GRIP1: variants seen among roughly 807,000 people sequenced by gnomAD.
GRIP1 encodes glutamate receptor interacting protein 1.
A neutral mutation model predicts 129.9 loss-of-function variants in GRIP1; 45 were observed. The ratio of observed to expected loss-of-function variants is 0.35; its 90% CI spans 0.27 to 0.44. The LOEUF is 0.44. GRIP1 is among the 20% of genes least tolerant of loss of function. GRIP1 has a pLI of 1.00. For missense variants in GRIP1, 1,196 were observed against 1,396.8 expected, an observed-to-expected ratio of 0.86 and a Z score of 2.29; for synonymous variants, 530 against 520.8, an observed-to-expected ratio of 1.02 and a Z score of -0.24.
intron 7 of GRIP1, among the ~76,000 whole-genome samples, chr12:66,507,762 T>C (rs2060575064): frequency 6.7e-6 from 1 of 148,294 alleles, no homozygotes; most frequent in Non-Finnish European, 1.5e-5. Flanking sequence ...TTCCTTTCTT[T>C]CTTTCTTTCT....
intron 19 of GRIP1, among the ~76,000 whole-genome samples, chr12:66,391,751 TGAGGCA>T (rs1230787515): frequency 1.3e-5 from 2 of 152,070 alleles, no homozygotes; most frequent in African/African-American, 2.4e-5. Context: ...CTGAGGAGAC[TGAGGCA>T]GCAAGATCCC....
At chr12:66,736,346 A>ATTTTTTTTTTTTTTTTTTTTTTTTTTTTT (rs547706592) in intron 1 of GRIP1, among the ~76,000 whole-genome samples, 1 of 67,004 alleles carries the variant, frequency 1.5e-5, no homozygotes, top group Non-Finnish European at 2.7e-5. Context: ...TGCCTGGCTA[A>ATTTTTTTTTTTTTTTTTTTTTTTTTTTTT]TTTTTTTTTT....
intron 1 of GRIP1, among the ~76,000 whole-genome samples, chr12:66,963,721 C>T (rs1226528755): frequency 6.6e-6 from 1 of 152,102 alleles, no homozygotes; most frequent in Non-Finnish European, 1.5e-5. Flanking sequence ...ACTTGAACAA[C>T]ACCATCCATT....
At chr12:66,573,830 G>A (rs2063046932) in intron 2 of GRIP1, among the ~76,000 whole-genome samples, 1 of 152,160 alleles carries the variant, frequency 6.6e-6, no homozygotes, top group Non-Finnish European at 1.5e-5. Context: ...AGCAACAGGT[G>A]CTGCCTCCCA....
chr12:66,463,633 G>A lies in GRIP1; in HGVS notation c.873-540C>T, dbSNP rs377763334. ...AGTTCTTTATTATTATGTTATTCTG[G>A]AGTTGAACATGTATTAGTATAAAAG... On this transcript the variant is annotated intron_variant, in intron 8 of 24. Coordinates refer to ENST00000359742, the MANE Select transcript of GRIP1 (RefSeq NM_001366722.1). Among the ~76,000 whole-genome samples the A allele has an allele frequency of 2.0e-5, 3 of 152,242 alleles. No individual in the cohort carries two copies. In the East Asian group the frequency reaches 5.8e-4, roughly 29 times the overall value.
chr12:67,031,647 C>G (rs1456954884), intron 1 of GRIP1, among the ~76,000 whole-genome samples: 1 of 152,186 alleles, frequency 6.6e-6, no homozygotes, highest in Non-Finnish European at 1.5e-5. Context: ...ACCGCTCTCT[C>G]TATCCTTATT....
At position 66,543,717 on chromosome 12, in the gene GRIP1, C is replaced by T. The variant is rs553161052; in HGVS notation, c.137-1767G>A. On this transcript the variant is annotated intron_variant, in intron 2 of 24. Coordinates refer to ENST00000359742, the MANE Select transcript of GRIP1 (RefSeq NM_001366722.1). ...TAACCAAAATGACATAGATGATGAC[C>T]GTTCATATTAAAGAGATATAATGTG... is the stretch of plus-strand genomic sequence containing the variant. Among the ~76,000 whole-genome samples the T allele has an allele frequency of 5.9e-5, 9 of 152,014 alleles. No individual in the cohort carries two copies. In the South Asian group the frequency reaches 8.3e-4, roughly 14 times the overall value.
At chr12:66,832,849 G>T (rs1220563555) in intron 1 of GRIP1, among the ~76,000 whole-genome samples, 3 of 152,148 alleles carry the variant, frequency 2.0e-5, no homozygotes, top group Non-Finnish European at 4.4e-5. Context: ...TCTCTAACAG[G>T]TGGTTCCCAG....
intron 2 of GRIP1, among the ~76,000 whole-genome samples, chr12:66,581,993 G>A (rs1201318800): frequency 3.3e-5 from 5 of 152,160 alleles, no homozygotes; most frequent in Admixed American, 3.3e-4. Context: ...GAACATTGAT[G>A]CAAAAATCCT....
chr12:66,555,469 G>A (rs576208567), intron 2 of GRIP1, among the ~76,000 whole-genome samples: 4 of 152,270 alleles, frequency 2.6e-5, no homozygotes, highest in South Asian at 2.1e-4. Context: ...CCCAGACTGC[G>A]ACGACTACAA....
chr12:66,834,823 A>G (rs745777037), intron 1 of GRIP1, among the ~76,000 whole-genome samples: 2 of 150,702 alleles, frequency 1.3e-5, no homozygotes, highest in Non-Finnish European at 3.0e-5. Context: ...TGGGAGGCTG[A>G]GGCAGGAGGA....
chr12:66,611,731 T>A (rs1207233163), intron 1 of GRIP1, among the ~76,000 whole-genome samples: 2 of 152,232 alleles, frequency 1.3e-5, no homozygotes, highest in African/African-American at 2.4e-5. Flanking sequence ...ACCACATTTA[T>A]CTTTTCTGCC....
chr12:66,935,091 A>G (rs1211904658), intron 1 of GRIP1, among the ~76,000 whole-genome samples: 1 of 152,196 alleles, frequency 6.6e-6, no homozygotes, highest in Non-Finnish European at 1.5e-5. Context: ...TACCTCTCTA[A>G]CAAAGAGATG....
intron 1 of GRIP1, among the ~76,000 whole-genome samples, chr12:66,624,333 T>G (rs1459099186): frequency 1.3e-5 from 2 of 152,180 alleles, no homozygotes; most frequent in African/African-American, 2.4e-5. Flanking sequence ...TGCAAAAATA[T>G]GTAACAAGAT....
intron 1 of GRIP1, among the ~76,000 whole-genome samples, chr12:66,714,831 A>G (rs1186884312): frequency 6.6e-6 from 1 of 151,316 alleles, no homozygotes; most frequent in Non-Finnish European, 1.5e-5. Flanking sequence ...TATCTATCCA[A>G]TCCATCCATC....
intron 1 of GRIP1, among the ~76,000 whole-genome samples, chr12:66,810,593 G>A (rs985299872): frequency 9.0e-5 from 8 of 89,044 alleles, no homozygotes; most frequent in Non-Finnish European, 1.9e-4. Flanking sequence ...TAATAGTTAT[G>A]TGAGGTAGAT....
intron 1 of GRIP1, among the ~76,000 whole-genome samples, chr12:66,689,741 G>C (rs953623150): frequency 6.6e-6 from 1 of 151,904 alleles, no homozygotes. Context: ...ATTAACTATA[G>C]TCACCATGCT....
intron 7 of GRIP1, among the ~76,000 whole-genome samples, chr12:66,488,557 T>G (rs1361235890): frequency 6.6e-6 from 1 of 151,970 alleles, no homozygotes; most frequent in East Asian, 1.9e-4. Flanking sequence ...ACATCACAAC[T>G]AAAGAACTAG....
At chr12:66,868,413 TCCTCTC>T (rs2040241062) in intron 1 of GRIP1, among the ~76,000 whole-genome samples, 2 of 152,072 alleles carry the variant, frequency 1.3e-5, no homozygotes, top group Admixed American at 1.3e-4. Context: ...TCTCAACGAA[TCCTCTC>T]AAAACTACAA....
Sources: gnomAD v4.1 joint callset for allele counts (sites outside exome capture counted in the v4.1 genomes callset) on GRCh38, gnomAD v4.1.1 for gene constraint, MANE v1.5 for transcripts, NCBI Gene and HGNC (gene_info 2026-07-23, HGNC 2026-07-21) for gene names.